DCC: variants seen among roughly 807,000 people sequenced by gnomAD.
DCC encodes the protein DCC netrin 1 receptor.
A neutral mutation model predicts 172.5 loss-of-function variants in DCC; 58 were observed. The ratio of observed to expected loss-of-function variants is 0.34; its 90% confidence interval spans 0.27 to 0.42. DCC has a LOEUF of 0.42. Among genes scored for constraint, DCC ranks in the 10% least tolerant of loss-of-function variants. The pLI, the probability that DCC is intolerant of heterozygous loss-of-function variation, is 1.00. For missense variants in DCC, 1,740 were observed against 1,791.0 expected, an observed-to-expected ratio of 0.97 and a Z score of 0.51; for synonymous variants, 709 against 644.5, an observed-to-expected ratio of 1.10 and a Z score of -1.52.
At chr18:53,125,148 A>G (rs1598826425) in intron 7 of DCC, among the ~76,000 whole-genome samples, 1 of 152,106 alleles carries the variant, frequency 6.6e-6, no homozygotes, top group African/African-American at 2.4e-5. Context: ...ATCCAGGAAA[A>G]TAATCTTTTT....
chr18:53,189,359 G>T (rs146285954), intron 9 of DCC, among the ~76,000 whole-genome samples: 1 of 151,846 alleles, frequency 6.6e-6, no homozygotes, highest in Non-Finnish European at 1.5e-5. Flanking sequence ...CAAACCTGTG[G>T]TCAATGTTAG....
At chr18:53,227,145 C>T (rs961048636) in intron 12 of DCC, among the ~76,000 whole-genome samples, 2 of 150,980 alleles carry the variant, frequency 1.3e-5, no homozygotes, top group East Asian at 1.9e-4. Context: ...GATGGGTTTT[C>T]ACCATGTTAG....
intron 1 of DCC, among the ~76,000 whole-genome samples, chr18:52,342,786 C>T (rs868584394): frequency 1.3e-5 from 2 of 152,288 alleles, no homozygotes. Flanking sequence ...AGCTATTACT[C>T]AAGTGACTTT....
At chr18:53,270,731 G>A (rs1441626549) in intron 12 of DCC, among the ~76,000 whole-genome samples, 4 of 151,880 alleles carry the variant, frequency 2.6e-5, no homozygotes, top group African/African-American at 9.7e-5. Context: ...TATGTTTTAG[G>A]GCCCTAACCT....
At chr18:52,751,664 G>C (rs556073748) in intron 1 of DCC, among the ~76,000 whole-genome samples, 2 of 152,212 alleles carry the variant, frequency 1.3e-5, no homozygotes, top group Non-Finnish European at 2.9e-5. Context: ...TGAAGAGATA[G>C]AAATAGTCTC....
chr18:53,500,860 C>A (rs552403867), intron 27 of DCC, among the ~76,000 whole-genome samples: 1 of 152,022 alleles, frequency 6.6e-6, no homozygotes, highest in Non-Finnish European at 1.5e-5. Context: ...TTAAAAAGGT[C>A]TGTATTGCCC....
At chr18:52,831,415 G>A (rs1426433357) in intron 2 of DCC, among the ~76,000 whole-genome samples, 3 of 152,130 alleles carry the variant, frequency 2.0e-5, no homozygotes, top group South Asian at 4.1e-4. Context: ...TGGAATATGG[G>A]AGGGCAGGCG....
In DCC at chr18:52,547,240, C is replaced by A. The variant is rs2032641367; in HGVS notation, c.92-204814C>A. ...TTGGCAAGCTGCTCTATGCACTTAA[C>A]CATGTAGCATTATATTTTATTGGGA... On this transcript the variant is annotated intron_variant, in intron 1 of 28. Coordinates refer to ENST00000442544, the MANE Select transcript of DCC (RefSeq NM_005215.4). Among the ~76,000 whole-genome samples, 5 of 152,162 alleles carry A rather than the reference C, an allele frequency of 3.3e-5. No individual in the cohort carries two copies. In the South Asian group the frequency reaches 1.0e-3, roughly 32 times the overall value.
intron 7 of DCC, among the ~76,000 whole-genome samples, chr18:53,153,496 C>A (rs12605603): frequency 6.6e-6 from 1 of 151,892 alleles, no homozygotes. Flanking sequence ...CACACCCTGG[C>A]CGACATGAGA....
intron 28 of DCC, among the ~76,000 whole-genome samples, chr18:53,528,685 G>T (rs1598853689): frequency 6.6e-6 from 1 of 152,058 alleles, no homozygotes; most frequent in Non-Finnish European, 1.5e-5. Flanking sequence ...TACATTAAAA[G>T]ATGTAAAAAT....
At chr18:53,106,361 G>T (rs2043247583) in intron 7 of DCC, among the ~76,000 whole-genome samples, 2 of 151,898 alleles carry the variant, frequency 1.3e-5, no homozygotes, top group South Asian at 2.1e-4. Context: ...TTACTTGCCT[G>T]CCTGGTACTG....
intron 1 of DCC, among the ~76,000 whole-genome samples, chr18:52,711,063 A>G (rs959716837): frequency 6.6e-6 from 1 of 152,134 alleles, no homozygotes; most frequent in African/African-American, 2.4e-5. Flanking sequence ...TGAAAGCCAA[A>G]GAGTTGATTG....
intron 1 of DCC, among the ~76,000 whole-genome samples, chr18:52,693,378 G>T (rs1016815694): frequency 6.8e-6 from 1 of 146,234 alleles, no homozygotes; most frequent in African/African-American, 2.5e-5. Context: ...ACTATATATT[G>T]TATATAAATA....
At chr18:52,431,041 A>G (rs552341336) in intron 1 of DCC, among the ~76,000 whole-genome samples, 14 of 152,262 alleles carry the variant, frequency 9.2e-5, no homozygotes, top group African/African-American at 3.1e-4. Flanking sequence ...CACATATGGA[A>G]AGGTACTTCC....
rs201528647 is a variant in DCC at position 52,981,918 on chromosome 18, GA to G, written c.985+56553del. ...GTGAAATTTAAGCAGGATCTTGAAA[GA>G]AAAATAGAATTAGGATAGAAGAAAT... On this transcript the variant is annotated intron_variant, in intron 5 of 28. Transcript: ENST00000442544. Among the ~76,000 whole-genome samples, 1,445 of 152,158 alleles carry G rather than the reference GA, an allele frequency of 9.5e-3. 18 individuals carry two copies. The highest frequency in any genetic ancestry group is 0.012 in the Non-Finnish European group (811 of 67,996).
chr18:53,425,360 T>TTTTG (rs1910857354), intron 21 of DCC, among the ~76,000 whole-genome samples: 2 of 121,156 alleles, frequency 1.7e-5, no homozygotes, highest in Middle Eastern at 4.7e-3. Context: ...CTCCTCTCTT[T>TTTTG]TTTTTTTTTT....
chr18:53,261,784 C>A (rs868159188), intron 12 of DCC, among the ~76,000 whole-genome samples: 1 of 152,172 alleles, frequency 6.6e-6, no homozygotes, highest in Non-Finnish European at 1.5e-5. Context: ...CAAGCGTGAG[C>A]CACTGCGACC....
intron 2 of DCC, among the ~76,000 whole-genome samples, chr18:52,878,175 CTG>C (rs1170640186): frequency 1.3e-5 from 2 of 152,186 alleles, no homozygotes; most frequent in Admixed American, 6.5e-5. Flanking sequence ...TCACACTTAA[CTG>C]TGAATTCCAA....
intron 1 of DCC, among the ~76,000 whole-genome samples, chr18:52,636,246 CGA>C (rs953101749): frequency 6.6e-6 from 1 of 152,048 alleles, no homozygotes. Flanking sequence ...AGGGATCCAA[CGA>C]GAGAGGACCA....
Sources: allele counts gnomAD v4.1 joint callset (sites outside exome capture counted in the v4.1 genomes callset), GRCh38; gene constraint gnomAD v4.1.1; transcripts MANE v1.5; gene names NCBI Gene and HGNC (gene_info 2026-07-23, HGNC 2026-07-21).